The following ABCC8 variants were observed in gnomAD, a reference collection of about 807,000 sequenced individuals.
ABCC8 encodes the protein ATP binding cassette subfamily C member 8.
In ABCC8, 137 loss-of-function variants were observed where a neutral mutation model predicts 188.0. The observed-to-expected ratio is 0.73, with a 90% CI of 0.63 to 0.84. The LOEUF is 0.84. Ranked by LOEUF, ABCC8 falls within the 40% of genes least tolerant of loss-of-function variation. The probability of loss-of-function intolerance (pLI) is 0.00; values close to 1 mark genes in which losing one functional copy is unlikely to be tolerated. For synonymous variants in ABCC8, 797 were observed against 846.5 expected (o/e 0.94, Z 1.01); for missense variants, 1,750 against 2,072.7 (o/e 0.84, Z 3.02).
In ABCC8 at chr11:17,427,774, A is replaced by T; in HGVS notation, c.2116+93T>A. 6.8e-7 allele frequency: 1 copy of T among 1,469,302 alleles called. No homozygotes were observed. The highest frequency in any genetic ancestry group is 9.3e-7 in the Non-Finnish European group (1 of 1,072,878). 91.0% of individuals were successfully genotyped at this position (1,469,302 alleles called of 1,614,324 possible). A position where few individuals can be genotyped will look rare whatever the true frequency, so the allele number is the denominator to read the frequency against. The stretch of plus-strand genomic sequence containing the variant: ...CATACACCAAGAATGAGCAGAGAGT[A>T]GGTGCTCAATAAATGCAGCTTTGTC... On this transcript the variant is annotated intron_variant, in intron 15 of 38. Transcript: ENST00000389817. This position sits in a 1 kb window ranked among gnomAD's most constrained non-coding sequence, Gnocchi z 5.0.
rs769877342 is a variant in ABCC8, at chr11:17,460,440, C to G, written c.1011+48G>C. 2.5e-6 allele frequency: 4 copies of G among 1,613,112 alleles called. No homozygotes were observed. In the East Asian group the frequency reaches 8.9e-5, roughly 36 times the overall value. On this transcript the variant is annotated intron_variant, in intron 6 of 38. Coordinates refer to ENST00000389817, the MANE Select transcript of ABCC8 (RefSeq NM_000352.6). Reference sequence around the variant, plus strand: ...TGGCCTGTTGCACTCTCAGAAACAACTGAAAACCATCTAGAGGGTGCCTTA... The same window carrying G: ...TGGCCTGTTGCACTCTCAGAAACAAGTGAAAACCATCTAGAGGGTGCCTTA...
Position 17,397,650 on chromosome 11 carries a change from G to A in ABCC8, c.3867+34C>T, listed in dbSNP as rs1263911651. On this transcript the variant is annotated intron_variant, in intron 31 of 38. Coordinates refer to ENST00000389817, the MANE Select transcript of ABCC8 (RefSeq NM_000352.6). ...AGGTGCTCCGGGAGTGCTGGTGTCT[G>A]ACCCCTCCTCTGCCCTAGCCCACTG... The A allele has an allele frequency of 3.1e-6, 5 of 1,603,600 alleles. No homozygotes were observed. In the African/African-American group the frequency reaches 6.7e-5, roughly 21 times the overall value.
At chr11:17,457,646 C>T (rs1163333163) in intron 6 of ABCC8, among the ~76,000 whole-genome samples, 1 of 152,162 alleles carries the variant, frequency 6.6e-6, no homozygotes, top group Non-Finnish European at 1.5e-5. Context: ...ATAGGCAGAG[C>T]CCAACCTGGG....
chr11:17,434,819 T>C (rs1956005405), intron 10 of ABCC8, among the ~76,000 whole-genome samples: 1 of 152,202 alleles, frequency 6.6e-6, no homozygotes, highest in Non-Finnish European at 1.5e-5. Context: ...TCTGATATAA[T>C]TAGCTTCTGC....
intron 20 of ABCC8, chr11:17,413,056 C>T (rs2355017): frequency 0.75 from 459,470 of 613,042 alleles, 173,627 homozygotes; most frequent in East Asian, 0.87. Context: ...GAATCCTGTT[C>T]GTCTAAGCTT....
chr11:17,447,470 G>C (rs1005400706), intron 8 of ABCC8, among the ~76,000 whole-genome samples: 2 of 152,144 alleles, frequency 1.3e-5, no homozygotes, highest in African/African-American at 4.8e-5. Flanking sequence ...CTGTTGTCCA[G>C]GCTGAAGTGC....
chr11:17,395,336 C>T (rs1039460669), intron 35 of ABCC8, 61 bp from the exon 36 acceptor site: 82 of 1,551,144 alleles, frequency 5.3e-5, no homozygotes, highest in Middle Eastern at 3.6e-4. Context: ...CATCCCCAGG[C>T]GGCAAAGAGG....
chr11:17,443,500 A>C, intron 8 of ABCC8, 188 bp from the exon 9 acceptor site: 3 of 836,668 alleles, frequency 3.6e-6, no homozygotes, highest in Non-Finnish European at 3.7e-6. Context: ...GGAGGTTAGC[A>C]TAATGGGCTC....
chr11:17,446,824 A>AT (rs1956551190), intron 8 of ABCC8, among the ~76,000 whole-genome samples: 1 of 151,916 alleles, frequency 6.6e-6, no homozygotes, highest in Non-Finnish European at 1.5e-5. Flanking sequence ...TTCTTTTAAT[A>AT]TTTTTAAACT....
chr11:17,406,847 C>T (rs1227717539), intron 25 of ABCC8, 41 bp downstream of exon 25: 9 of 1,614,058 alleles, frequency 5.6e-6, no homozygotes, highest in African/African-American at 2.7e-5. Context: ...GCCCTTCCCC[C>T]ATCCCCACTC....
At chr11:17,402,808 G>T in intron 28 of ABCC8, 55 bp from the exon 29 acceptor site, 1 of 1,605,286 alleles carries the variant, frequency 6.2e-7, no homozygotes, top group Non-Finnish European at 8.5e-7. Context: ...GGCTCGGCCT[G>T]GGCCTGAAGC....
chr11:17,469,420 C>T (rs1424299848), intron 3 of ABCC8, among the ~76,000 whole-genome samples: 1 of 152,086 alleles, frequency 6.6e-6, no homozygotes, highest in Non-Finnish European at 1.5e-5. Flanking sequence ...ATGTCATCTA[C>T]AAGGCCCACC....
chr11:17,438,682 C>T (rs536464783), intron 10 of ABCC8, among the ~76,000 whole-genome samples: 58 of 152,344 alleles, frequency 3.8e-4, no homozygotes, highest in African/African-American at 1.3e-3. Context: ...GACCACAGTC[C>T]TTGTCTCCAG....
At chr11:17,407,203 C>G in intron 24 of ABCC8, 74 bp from the exon 25 acceptor site, 1 of 1,602,266 alleles carries the variant, frequency 6.2e-7, no homozygotes, top group African/African-American at 1.3e-5. Flanking sequence ...CATTTTATCC[C>G]CACTTACTGA....
intron 12 of ABCC8, chr11:17,430,530 C>T: frequency 2.1e-6 from 1 of 468,534 alleles, no homozygotes; most frequent in Non-Finnish European, 3.9e-6. Flanking sequence ...GAGGATTCCA[C>T]ATTTGGCTCA....
intron 22 of ABCC8, among the ~76,000 whole-genome samples, chr11:17,409,243 C>A (rs1954692703): frequency 6.6e-6 from 1 of 152,126 alleles, no homozygotes; most frequent in Admixed American, 6.5e-5. Flanking sequence ...AGGCATTAGC[C>A]ACCGCGCCCG....
At chr11:17,396,148 A>G (rs1953916054) in intron 33 of ABCC8, 3 of 1,123,574 alleles carry the variant, frequency 2.7e-6, no homozygotes, top group Non-Finnish European at 3.7e-6. Context: ...AAGTGCAGGC[A>G]TGGATGTCCA....
rs933034154 is a variant in ABCC8, at chr11:17,443,009, C to T, written c.1468-127G>A. 20 of 1,537,796 alleles carry T rather than the reference C, an allele frequency of 1.3e-5. No homozygotes were observed. In the African/African-American group the frequency reaches 2.3e-4, roughly 18 times the overall value. On this transcript the variant is annotated intron_variant, in intron 9 of 38. Coordinates refer to ENST00000389817, the MANE Select transcript of ABCC8 (RefSeq NM_000352.6). ...TCCTCACCGGGAGGCAGCCTCCTCCCCCATTGACTCCATTTCCCAGACAAA... is the reference window on the plus strand; with the variant it reads ...TCCTCACCGGGAGGCAGCCTCCTCCTCCATTGACTCCATTTCCCAGACAAA...
rs1395259216 is a variant in ABCC8 at position 17,466,141 on chromosome 11, C to G, written c.413-2537G>C. Among the ~76,000 whole-genome samples the G allele has an allele frequency of 2.9e-4, 44 of 152,126 alleles. 1 individual carries two copies. Among genetic ancestry groups the G allele is most frequent in the Admixed American group, 2.8e-3 (43 of 15,276 alleles). ...ATAGGCCAGGCAAGGTGGCTCTCGC[C>G]TGTAATCCGAGCACTTTGGGAGGCC... is the stretch of plus-strand genomic sequence containing the variant. On this transcript the variant is annotated intron_variant, in intron 3 of 38. Coordinates refer to ENST00000389817, the MANE Select transcript of ABCC8 (RefSeq NM_000352.6).
Sources: gnomAD v4.1 joint callset for allele counts (sites outside exome capture counted in the v4.1 genomes callset) on GRCh38, gnomAD v4.1.1 for gene constraint, Gnocchi (gnomAD v3.1) non-coding constraint, MANE v1.5 for transcripts, NCBI Gene and HGNC (gene_info 2026-07-23, HGNC 2026-07-21) for gene names.